The following LSAMP variants were observed in gnomAD, a reference collection of about 807,000 sequenced individuals.
LSAMP encodes the protein limbic system-associated membrane protein.
A neutral mutation model predicts 38.6 loss-of-function variants in LSAMP; 7 were observed. That is an observed-to-expected ratio of 0.18 (90% confidence interval 0.10 to 0.34). LSAMP has a LOEUF of 0.34. Ranked by LOEUF, LSAMP falls within the 10% of genes least tolerant of loss-of-function variation. The pLI is 1.00. For synonymous variants in LSAMP, 154 were observed against 166.8 expected (o/e 0.92, Z 0.59); for missense variants, 313 against 420.0 (o/e 0.75, Z 2.23).
intron 1 of LSAMP, among the ~76,000 whole-genome samples, chr3:116,119,661 CTTT>C (rs3071059): frequency 1.4e-5 from 2 of 140,562 alleles, no homozygotes; most frequent in African/African-American, 2.6e-5. Context: ...TTTTTCTTTT[CTTT>C]TTTTTTTTTT....
chr3:116,173,718 G>A (rs997943698), intron 1 of LSAMP, among the ~76,000 whole-genome samples: 4 of 151,726 alleles, frequency 2.6e-5, no homozygotes, highest in Non-Finnish European at 5.9e-5. Context: ...GAAGATGAGC[G>A]AGAGCATATT....
At chr3:116,156,369 A>C (rs1048862291) in intron 1 of LSAMP, among the ~76,000 whole-genome samples, 4 of 152,142 alleles carry the variant, frequency 2.6e-5, no homozygotes. Context: ...CAGAGGAAGG[A>C]ATGCTATTTA....
chr3:116,055,451 T>A (rs2107739211), intron 2 of LSAMP, among the ~76,000 whole-genome samples: 1 of 152,182 alleles, frequency 6.6e-6, no homozygotes, highest in African/African-American at 2.4e-5. Context: ...AATGTGAGGA[T>A]TTGAGGAGTC....
intron 1 of LSAMP, among the ~76,000 whole-genome samples, chr3:116,218,934 A>G (rs1223800913): frequency 1.3e-5 from 2 of 152,218 alleles, no homozygotes; most frequent in Admixed American, 1.3e-4. Flanking sequence ...AAAGAACCAT[A>G]TACTTTTTCT....
chr3:115,934,059 T>C (rs1201803815), intron 3 of LSAMP, among the ~76,000 whole-genome samples: 1 of 152,242 alleles, frequency 6.6e-6, no homozygotes, highest in East Asian at 1.9e-4. Flanking sequence ...TATCAATGTG[T>C]TTTGATAGGG....
rs542789050 is a variant in LSAMP, at chr3:115,918,739, G to A, written c.515-66122C>T. Among the ~76,000 whole-genome samples, 29 of 144,688 alleles carry A rather than the reference G, an allele frequency of 2.0e-4. 1 individual carries two copies. In the South Asian group the frequency reaches 5.6e-3, roughly 28 times the overall value. The allele number at this position is 144,688 out of a possible 152,430, so 94.9% of individuals were successfully genotyped here. On this transcript the variant is annotated intron_variant, in intron 3 of 6. Transcript: ENST00000490035. ...TTTTTTTTTTTGTCCCTGCTTCATG[G>A]TACTTATAGCTCAGAGAGATGGGAG...
intron 1 of LSAMP, among the ~76,000 whole-genome samples, chr3:116,437,936 T>C (rs369255634): frequency 4.6e-5 from 7 of 152,162 alleles, no homozygotes; most frequent in Middle Eastern, 3.4e-3. Flanking sequence ...CTCCAAGGCC[T>C]TTCCTATTCT....
rs79328430 is a variant in LSAMP, at chr3:116,042,906, C to G, written c.389-23266G>C. On this transcript the variant is annotated intron_variant, in intron 2 of 6. Transcript: ENST00000490035. ...CAACTGTGTTCCTATTCTAGAAACTCCAGGAGTATAATGACCCAGTGCCTT... is the reference window on the plus strand; with the variant it reads ...CAACTGTGTTCCTATTCTAGAAACTGCAGGAGTATAATGACCCAGTGCCTT... Among the ~76,000 whole-genome samples the G allele has an allele frequency of 3.4e-3, 511 of 152,232 alleles. 3 individuals are homozygous for G. Among genetic ancestry groups the G allele is most frequent in the African/African-American group, 0.012 (486 of 41,538 alleles).
At chr3:116,342,616 T>C (rs1298168824) in intron 1 of LSAMP, among the ~76,000 whole-genome samples, 2 of 152,070 alleles carry the variant, frequency 1.3e-5, no homozygotes, top group African/African-American at 4.8e-5. Context: ...AGCTTATATT[T>C]TGAAATGCCT....
intron 1 of LSAMP, among the ~76,000 whole-genome samples, chr3:116,418,425 A>G (rs2049078825): frequency 6.6e-6 from 1 of 152,026 alleles, no homozygotes; most frequent in Non-Finnish European, 1.5e-5. Context: ...CTTCACTCAC[A>G]CTTGTCACGT....
intron 3 of LSAMP, among the ~76,000 whole-genome samples, chr3:115,903,938 C>T (rs1289415950): frequency 6.6e-6 from 1 of 152,122 alleles, no homozygotes; most frequent in East Asian, 1.9e-4. Flanking sequence ...GAAAAACTGT[C>T]TTGGGTTTGC....
intron 6 of LSAMP, among the ~76,000 whole-genome samples, chr3:115,817,633 A>G (rs1380259721): frequency 1.3e-5 from 2 of 152,206 alleles, no homozygotes; most frequent in African/African-American, 4.8e-5. Flanking sequence ...AGGTGCTCAG[A>G]TAGAAGAGCC....
intron 1 of LSAMP, among the ~76,000 whole-genome samples, chr3:116,227,223 A>G (rs533341108): frequency 1.3e-5 from 2 of 152,282 alleles, no homozygotes; most frequent in African/African-American, 4.8e-5. Flanking sequence ...CTTGTACTGT[A>G]CTACACTCAA....
chr3:116,299,629 C>A (rs2047380840), intron 1 of LSAMP, among the ~76,000 whole-genome samples: 1 of 152,128 alleles, frequency 6.6e-6, no homozygotes, highest in African/African-American at 2.4e-5. Context: ...TTATCTGGCT[C>A]TCCAGGTTTC....
At chr3:116,329,051 C>G (rs915927727) in intron 1 of LSAMP, among the ~76,000 whole-genome samples, 1 of 151,930 alleles carries the variant, frequency 6.6e-6, no homozygotes, top group African/African-American at 2.4e-5. Flanking sequence ...GGGTAAGAGA[C>G]TTTTGGTTTA....
At chr3:116,189,095 A>G (rs944326863) in intron 1 of LSAMP, among the ~76,000 whole-genome samples, 7 of 152,196 alleles carry the variant, frequency 4.6e-5, no homozygotes, top group African/African-American at 1.7e-4. Flanking sequence ...CAGATAATAA[A>G]CAAGTAAACA....
intron 2 of LSAMP, among the ~76,000 whole-genome samples, chr3:116,063,814 A>ACTGCAAAAAAAT (rs1941636435): frequency 6.6e-6 from 1 of 152,206 alleles, no homozygotes; most frequent in African/African-American, 2.4e-5. Flanking sequence ...TGCAAAAAAA[A>ACTGCAAAAAAAT]CTACAAAAAA....
chr3:116,123,968 G>A, intron 1 of LSAMP, among the ~76,000 whole-genome samples: 1 of 152,118 alleles, frequency 6.6e-6, no homozygotes, highest in East Asian at 1.9e-4. Context: ...TAAAAAGACT[G>A]TTCACTCAGG....
rs1696123441 is a variant in LSAMP, at chr3:115,805,082, A to G, written c.*5235T>C. The stretch of plus-strand genomic sequence containing the variant: ...TTCCTTGGAGCTATTTAAATAAGAC[A>G]TCTTAGATGGTGAGAAAGGAGTAAA... On this transcript the variant is annotated 3_prime_UTR_variant, in exon 7 of 7. Transcript: ENST00000490035. 6.6e-6 allele frequency: 1 copy of G among 152,230 alleles called. No homozygotes were observed. The highest frequency in any genetic ancestry group is 2.4e-5 in the African/African-American group (1 of 41,462). 9.4% of individuals were successfully genotyped at this position (152,230 alleles called of 1,614,324 possible).
Sources: gnomAD v4.1 joint callset for allele counts (sites outside exome capture counted in the v4.1 genomes callset) on GRCh38, gnomAD v4.1.1 for gene constraint, MANE v1.5 for transcripts, NCBI Gene and HGNC (gene_info 2026-07-23, HGNC 2026-07-21) for gene names.